The following PRLR variants were observed in gnomAD, a reference collection of about 807,000 sequenced individuals.
The protein encoded by PRLR is prolactin receptor.
PRLR carries 13 observed loss-of-function variants against 40.2 expected under a neutral mutation model. The ratio of observed to expected loss-of-function variants is 0.32; its 90% confidence interval spans 0.21 to 0.51. PRLR has a LOEUF of 0.51. Ranked by LOEUF, PRLR falls within the 20% of genes least tolerant of loss-of-function variation. PRLR has a pLI of 0.97. For missense variants in PRLR, 656 were observed against 747.3 expected, an observed-to-expected ratio of 0.88 and a Z score of 1.42; for synonymous variants, 269 against 278.7, an observed-to-expected ratio of 0.97 and a Z score of 0.35.
intron 1 of PRLR, among the ~76,000 whole-genome samples, chr5:35,229,330 C>G (rs73083044): frequency 1.5e-3 from 225 of 152,036 alleles, no homozygotes; most frequent in African/African-American, 5.3e-3. Flanking sequence ...AGTGATCCCT[C>G]CAGACTAATA....
rs1768776414 is a variant in PRLR, at chr5:35,057,211, G to C, written c.*7878C>G. On this transcript the variant is annotated 3_prime_UTR_variant, in exon 10 of 10. Coordinates refer to ENST00000618457, the MANE Select transcript of PRLR (RefSeq NM_000949.7). ...CAGCCTCCCATGTTATAGGGATGAG[G>C]TAAAGGAGGGAAATTTTGTCTTGCA... The C allele has an allele frequency of 6.6e-6, 1 of 152,082 alleles. No homozygotes were observed. The highest frequency in any genetic ancestry group is 6.6e-5 in the Admixed American group (1 of 15,260). 9.4% of individuals were successfully genotyped at this position (152,082 alleles called of 1,614,324 possible).
chr5:35,105,394 G>T (rs1772169115), intron 2 of PRLR, among the ~76,000 whole-genome samples: 1 of 152,202 alleles, frequency 6.6e-6, no homozygotes, highest in Admixed American at 6.5e-5. Flanking sequence ...GTTGACAGAA[G>T]TAGGCTTCAG....
chr5:35,112,491 G>C (rs140774932), intron 2 of PRLR, among the ~76,000 whole-genome samples: 1 of 152,196 alleles, frequency 6.6e-6, no homozygotes, highest in East Asian at 1.9e-4. Flanking sequence ...TGGTAAACCG[G>C]GAAAGAGGGT....
intron 1 of PRLR, among the ~76,000 whole-genome samples, chr5:35,148,471 G>A (rs773207425): frequency 3.3e-5 from 5 of 152,166 alleles, no homozygotes; most frequent in Non-Finnish European, 7.4e-5. Flanking sequence ...GCTGAGAAGG[G>A]GCAAGGATGG....
At chr5:35,084,332 G>C (rs1476647632) in intron 5 of PRLR, 138 bp downstream of exon 5, 1 of 850,956 alleles carries the variant, frequency 1.2e-6, no homozygotes, top group East Asian at 2.8e-5. Flanking sequence ...GAACTGTTCT[G>C]TTGACAAGCA....
At chr5:35,068,420 G>A (rs901029178) in intron 8 of PRLR, 135 bp from the exon 9 acceptor site, 9 of 737,256 alleles carry the variant, frequency 1.2e-5, no homozygotes, top group Middle Eastern at 2.9e-4. Flanking sequence ...AACAATCAAT[G>A]ATGAAAATAA....
chr5:35,225,684 GT>G (rs1460987737), intron 1 of PRLR, among the ~76,000 whole-genome samples: 3 of 152,054 alleles, frequency 2.0e-5, no homozygotes, highest in African/African-American at 7.2e-5. Context: ...GTTTACTTTT[GT>G]TTTTGTTTTT....
chr5:35,175,115 T>G (rs1775108903), intron 1 of PRLR, among the ~76,000 whole-genome samples: 4 of 152,174 alleles, frequency 2.6e-5, no homozygotes, highest in Admixed American at 2.0e-4. Context: ...ATAGTTGATA[T>G]GGTTTGGCTC....
intron 5 of PRLR, among the ~76,000 whole-genome samples, chr5:35,074,117 T>A (rs1687689552): frequency 6.6e-6 from 1 of 152,140 alleles, no homozygotes; most frequent in African/African-American, 2.4e-5. Flanking sequence ...CTATTTATAA[T>A]AGCCAAAAGT....
chr5:35,131,084 G>T (rs1773655438), intron 1 of PRLR, among the ~76,000 whole-genome samples: 1 of 152,190 alleles, frequency 6.6e-6, no homozygotes, highest in African/African-American at 2.4e-5. Flanking sequence ...TAGTTGTGGT[G>T]CTTTGTTATG....
chr5:35,177,962 C>A (rs1271122589), intron 1 of PRLR, among the ~76,000 whole-genome samples: 2 of 151,988 alleles, frequency 1.3e-5, no homozygotes, highest in Non-Finnish European at 2.9e-5. Context: ...CACATCCTTG[C>A]CAACACTGGT....
chr5:35,136,957 A>G (rs7446939), intron 1 of PRLR, among the ~76,000 whole-genome samples: 2 of 136,394 alleles, frequency 1.5e-5, no homozygotes, highest in African/African-American at 3.3e-5. Flanking sequence ...AAAGAAAAAA[A>G]AAAAAGCCTA....
intron 1 of PRLR, among the ~76,000 whole-genome samples, chr5:35,147,913 G>A (rs1274564182): frequency 6.6e-6 from 1 of 152,070 alleles, no homozygotes; most frequent in African/African-American, 2.4e-5. Flanking sequence ...ATTCACTATG[G>A]TGAATCCATA....
rs770022136 is a variant in PRLR at position 35,086,372 on chromosome 5, T to C, written c.71-32A>G. The C allele has an allele frequency of 2.5e-6, 4 of 1,610,048 alleles. No individual in the cohort carries two copies. The South Asian group carries it at 3.3e-5, about 13-fold the overall frequency. On this transcript the variant is annotated intron_variant, in intron 3 of 9. Transcript: ENST00000618457. ...AAAGCCAGAAGCCACTGCATCAATA[T>C]TGAGGTCCATTTAACCATTTGACCC...
At chr5:35,208,961 T>G (rs957852205) in intron 1 of PRLR, among the ~76,000 whole-genome samples, 1 of 152,158 alleles carries the variant, frequency 6.6e-6, no homozygotes, top group African/African-American at 2.4e-5. Context: ...TACATCCATA[T>G]GACGGAATGT....
intron 1 of PRLR, among the ~76,000 whole-genome samples, chr5:35,223,954 T>A (rs1368666271): frequency 1.3e-5 from 2 of 152,208 alleles, no homozygotes; most frequent in Non-Finnish European, 2.9e-5. Flanking sequence ...TAAATTGTTA[T>A]CTTCCCTAGT....
chr5:35,084,530 C>A lies in PRLR; in HGVS notation c.313G>T (p.Ala105Ser). 6.2e-7 allele frequency: 1 copy of A among 1,601,898 alleles called. No individual in the cohort carries two copies. The highest frequency in any genetic ancestry group is 8.5e-7 in the Non-Finnish European group (1 of 1,176,540). The change falls in exon 5 of 10, where the codon GCC becomes TCC. Residue 105 changes from alanine to serine, a missense_variant. Physicochemically the swap from Ala to Ser is moderately conservative, Grantham distance 99. This residue lies in a region of PRLR where 180 missense variants were observed against 236.8 expected (regional missense o/e 0.76). Coordinates refer to ENST00000618457, the MANE Select transcript of PRLR (RefSeq NM_000949.7). Reference protein sequence around the residue: ...MWRTYIMMVNATNQMGSSFSD... With the variant: ...MWRTYIMMVNSTNQMGSSFSD... ...AAACTGCTTCCCATCTGGTTAGTGG[C>A]ATTGACCATCATGATGTATGTCCTC...
intron 1 of PRLR, among the ~76,000 whole-genome samples, chr5:35,203,108 C>T (rs1369091821): frequency 6.6e-6 from 1 of 152,178 alleles, no homozygotes; most frequent in Non-Finnish European, 1.5e-5. Context: ...TCTGAGCTGG[C>T]CATTTCCTCC....
chr5:35,098,569 G>T (rs249534), intron 2 of PRLR, among the ~76,000 whole-genome samples: 1 of 152,142 alleles, frequency 6.6e-6, no homozygotes, highest in Non-Finnish European at 1.5e-5. Flanking sequence ...GGAGCTCTGT[G>T]TATATTATAT....
Sources: allele counts gnomAD v4.1 joint callset (sites outside exome capture counted in the v4.1 genomes callset), GRCh38; gene constraint gnomAD v4.1.1; regional missense constraint gnomAD v4.1.1; transcripts MANE v1.5; gene names NCBI Gene and HGNC (gene_info 2026-07-23, HGNC 2026-07-21).